Variants in PDE4B observed in about 807,000 individuals in gnomAD.
PDE4B encodes phosphodiesterase 4B.
Under a neutral mutation model 82.2 loss-of-function variants are expected in PDE4B, and 20 were observed. That is an observed-to-expected ratio of 0.24 (90% confidence interval 0.17 to 0.35). The LOEUF is 0.35. Among genes scored for constraint, PDE4B ranks in the 10% least tolerant of loss-of-function variants. The pLI is 1.00. For missense variants in PDE4B, 655 were observed against 907.2 expected (o/e 0.72, Z 3.57); for synonymous variants, 320 against 318.9 (o/e 1.00, Z -0.04).
At chr1:66,101,891 T>A (rs1213726211) in intron 3 of PDE4B, among the ~76,000 whole-genome samples, 6 of 152,136 alleles carry the variant, frequency 3.9e-5, no homozygotes, top group African/African-American at 1.2e-4. Context: ...GGTGTTTTAG[T>A]CATGAAGTCC....
chr1:65,808,169 CTTT>C (rs920861530), intron 1 of PDE4B, among the ~76,000 whole-genome samples: 4 of 128,972 alleles, frequency 3.1e-5, no homozygotes, highest in African/African-American at 5.7e-5. Flanking sequence ...TAGACAAACA[CTTT>C]TTTTTTTTTT....
Position 65,908,078 on chromosome 1 carries a change from C to T in PDE4B, c.-70-5167C>T, listed in dbSNP as rs530330724. On this transcript the variant is annotated intron_variant, in intron 1 of 16. Coordinates refer to ENST00000341517, the MANE Select transcript of PDE4B (RefSeq NM_002600.4). ...GGTGTTGGAGAAGTGCGTTATTGGCCTACTGAAAATGAAGAACCATTTCTA... is the reference window on the plus strand; with the variant it reads ...GGTGTTGGAGAAGTGCGTTATTGGCTTACTGAAAATGAAGAACCATTTCTA... 9.9e-5 allele frequency among the ~76,000 whole-genome samples: 15 copies of T among 152,178 alleles called. No individual in the cohort carries two copies. In the South Asian group the frequency reaches 3.1e-3, roughly 32 times the overall value.
chr1:66,203,147 CT>C (rs1649172850), intron 3 of PDE4B, among the ~76,000 whole-genome samples: 1 of 151,976 alleles, frequency 6.6e-6, no homozygotes, highest in African/African-American at 2.4e-5. Context: ...GTTGAAAATT[CT>C]TTTCTTTAAG....
At chr1:66,313,490 TG>T (rs1658809644) in intron 7 of PDE4B, among the ~76,000 whole-genome samples, 1 of 152,188 alleles carries the variant, frequency 6.6e-6, no homozygotes, top group African/African-American at 2.4e-5. Context: ...AGTCTCATCA[TG>T]TGTGAACCAA....
intron 1 of PDE4B, among the ~76,000 whole-genome samples, chr1:65,872,288 T>C (rs1018168676): frequency 2.6e-5 from 4 of 152,210 alleles, no homozygotes; most frequent in Non-Finnish European, 4.4e-5. Context: ...AAATTACATG[T>C]GCAATTTATT....
chr1:66,266,213 T>C (rs886937259), intron 7 of PDE4B, 126 bp downstream of exon 7: 4 of 758,828 alleles, frequency 5.3e-6, no homozygotes, highest in African/African-American at 5.2e-5. Flanking sequence ...GTATGTCTCT[T>C]GGTGACTTTT....
chr1:65,975,719 G>A (rs906399470), intron 3 of PDE4B, among the ~76,000 whole-genome samples: 2 of 152,194 alleles, frequency 1.3e-5, no homozygotes, highest in Non-Finnish European at 2.9e-5. Flanking sequence ...CTCCAGCTGT[G>A]GCTAAAAGGA....
intron 3 of PDE4B, among the ~76,000 whole-genome samples, chr1:66,188,129 A>T (rs1320098953): frequency 6.6e-6 from 1 of 151,670 alleles, no homozygotes; most frequent in South Asian, 2.1e-4. Context: ...TTCAGTTTCC[A>T]TGTAGTTGAG....
chr1:66,182,784 AAC>A (rs1158188782), intron 3 of PDE4B, among the ~76,000 whole-genome samples: 1 of 152,176 alleles, frequency 6.6e-6, no homozygotes, highest in Non-Finnish European at 1.5e-5. Context: ...GAAACAGAAA[AAC>A]AGTGATTCAT....
At chr1:66,354,633 AG>A (rs1662090883) in intron 8 of PDE4B, 1 of 1,365,256 alleles carries the variant, frequency 7.3e-7, no homozygotes. Flanking sequence ...GGAAATAAGC[AG>A]GGAGCATAGG....
chr1:65,805,945 A>G (rs1317272956), intron 1 of PDE4B, among the ~76,000 whole-genome samples: 1 of 152,120 alleles, frequency 6.6e-6, no homozygotes, highest in Admixed American at 6.5e-5. Flanking sequence ...GGTGCAGGTC[A>G]TTTCTAATTT....
At chr1:65,832,048 A>G (rs1268922269) in intron 1 of PDE4B, among the ~76,000 whole-genome samples, 1 of 152,162 alleles carries the variant, frequency 6.6e-6, no homozygotes, top group Non-Finnish European at 1.5e-5. Flanking sequence ...AAATGACAAG[A>G]CGTATGCATG....
intron 1 of PDE4B, among the ~76,000 whole-genome samples, chr1:65,899,378 G>A (rs1205827297): frequency 1.3e-5 from 2 of 152,034 alleles, no homozygotes; most frequent in East Asian, 3.8e-4. Flanking sequence ...TGGTGGGAAT[G>A]TAAACTAGTG....
At chr1:66,367,113 A>C (rs547526395) in intron 13 of PDE4B, among the ~76,000 whole-genome samples, 3 of 152,200 alleles carry the variant, frequency 2.0e-5, no homozygotes, top group South Asian at 2.1e-4. Flanking sequence ...GAGCCAAAAG[A>C]CAGAAAATTT....
At chr1:66,151,360 A>G (rs1646390551) in intron 3 of PDE4B, among the ~76,000 whole-genome samples, 1 of 151,872 alleles carries the variant, frequency 6.6e-6, no homozygotes, top group Non-Finnish European at 1.5e-5. Context: ...AACTTGCTGA[A>G]CCCCTCCAGC....
intron 3 of PDE4B, among the ~76,000 whole-genome samples, chr1:66,172,657 A>G (rs1311648153): frequency 6.6e-6 from 1 of 152,180 alleles, no homozygotes; most frequent in Non-Finnish European, 1.5e-5. Context: ...CTATTGTAAG[A>G]TGGTAGCTCA....
chr1:65,820,395 A>G (rs1474887599), intron 1 of PDE4B, among the ~76,000 whole-genome samples: 2 of 152,244 alleles, frequency 1.3e-5, no homozygotes, highest in Non-Finnish European at 2.9e-5. Flanking sequence ...CAATTCTAAT[A>G]ATCTTGTTTT....
intron 3 of PDE4B, among the ~76,000 whole-genome samples, chr1:66,163,521 A>C (rs986403546): frequency 6.6e-6 from 1 of 152,076 alleles, no homozygotes; most frequent in African/African-American, 2.4e-5. Flanking sequence ...ATGATTTCTA[A>C]GTCAATAGTA....
At chr1:66,015,983 T>C (rs531361724) in intron 3 of PDE4B, among the ~76,000 whole-genome samples, 1 of 152,218 alleles carries the variant, frequency 6.6e-6, no homozygotes, top group Non-Finnish European at 1.5e-5. Flanking sequence ...GAAATTGAGA[T>C]GCATAAGACA....
Sources: gnomAD v4.1 joint callset for allele counts (sites outside exome capture counted in the v4.1 genomes callset) on GRCh38, gnomAD v4.1.1 for gene constraint, MANE v1.5 for transcripts, NCBI Gene and HGNC (gene_info 2026-07-23, HGNC 2026-07-21) for gene names.